Variants in FGF14 observed in about 807,000 individuals in gnomAD.
FGF14 encodes fibroblast growth factor 14.
A neutral mutation model predicts 25.5 loss-of-function variants in FGF14; 5 were observed. The ratio of observed to expected loss-of-function variants is 0.20; its 90% confidence interval spans 0.10 to 0.41. The LOEUF (loss-of-function observed/expected upper bound fraction) is 0.41, where lower values mean the gene tolerates loss of function less well. Among genes scored for constraint, FGF14 ranks in the 10% least tolerant of loss-of-function variants. The probability of loss-of-function intolerance (pLI) is 1.00; values close to 1 mark genes in which losing one functional copy is unlikely to be tolerated. For synonymous variants in FGF14, 138 were observed against 118.3 expected (o/e 1.17, Z -1.08); for missense variants, 222 against 320.1 (o/e 0.69, Z 2.34).
intron 3 of FGF14, among the ~76,000 whole-genome samples, chr13:101,847,265 T>C (rs919061933): frequency 6.6e-6 from 1 of 152,072 alleles, no homozygotes; most frequent in African/African-American, 2.4e-5. Context: ...CTGGGGTCAC[T>C]GTCAGTGATC....
intron 3 of FGF14, among the ~76,000 whole-genome samples, chr13:101,790,763 T>C (rs1205829929): frequency 2.6e-5 from 4 of 152,184 alleles, no homozygotes; most frequent in Non-Finnish European, 5.9e-5. Context: ...GAGTATTTTA[T>C]GTAAGGATCC....
At chr13:101,755,098 A>G (rs1040157334) in intron 3 of FGF14, among the ~76,000 whole-genome samples, 6 of 152,246 alleles carry the variant, frequency 3.9e-5, no homozygotes, top group African/African-American at 1.4e-4. Context: ...TGATATAGTA[A>G]TCATAACAAT....
At chr13:102,395,310 A>G (rs879888625) in intron 1 of FGF14, 7 of 152,216 alleles carry the variant, frequency 4.6e-5, no homozygotes, top group Non-Finnish European at 5.9e-5. Context: ...TCTGGCAACT[A>G]TGAACCTAAT....
rs1449210141 is a variant in FGF14, at chr13:101,713,820, T to C, written c.*9011A>G. 1 of 152,128 alleles carries C rather than the reference T, an allele frequency of 6.6e-6. No homozygotes were observed. The highest frequency in any genetic ancestry group is 2.4e-5 in the African/African-American group (1 of 41,440). The allele number at this position is 152,128 out of a possible 1,614,324, so 9.4% of individuals were successfully genotyped here. A position where few individuals can be genotyped will look rare whatever the true frequency, so the allele number is the denominator to read the frequency against. ...GTTGAATCCAGAGCCTCATAAAATA[T>C]GAACTTTGGGAGTAATTTGAGCTAT... is the stretch of plus-strand genomic sequence containing the variant. On this transcript the variant is annotated 3_prime_UTR_variant, in exon 5 of 5. Transcript: ENST00000376143.
intron 1 of FGF14, among the ~76,000 whole-genome samples, chr13:101,910,244 AAAAT>A (rs563774018): frequency 9.9e-5 from 15 of 152,112 alleles, no homozygotes; most frequent in East Asian, 3.9e-4. Context: ...AAAGTATAAA[AAAAT>A]AAATAAAATA....
intron 1 of FGF14, among the ~76,000 whole-genome samples, chr13:102,364,360 G>A (rs1319305820): frequency 6.6e-6 from 1 of 152,146 alleles, no homozygotes; most frequent in Non-Finnish European, 1.5e-5. Context: ...TGTATAACAG[G>A]CCACAACTTC....
intron 1 of FGF14, among the ~76,000 whole-genome samples, chr13:102,194,226 A>C (rs2049247396): frequency 6.6e-6 from 1 of 152,130 alleles, no homozygotes; most frequent in Admixed American, 6.6e-5. Flanking sequence ...ATTAAAATAC[A>C]TATTAAATAC....
intron 1 of FGF14, among the ~76,000 whole-genome samples, chr13:102,237,234 G>A (rs548211600): frequency 1.3e-5 from 2 of 152,280 alleles, no homozygotes; most frequent in East Asian, 3.9e-4. Context: ...AAAAACCCTA[G>A]AGACTCACAT....
intron 1 of FGF14, among the ~76,000 whole-genome samples, chr13:102,391,107 A>T (rs1024360754): frequency 4.6e-5 from 7 of 152,226 alleles, no homozygotes; most frequent in Admixed American, 1.3e-4. Context: ...CCAATTGAAT[A>T]CTAATCCTGA....
intron 1 of FGF14, among the ~76,000 whole-genome samples, chr13:102,397,249 A>G (rs1286514294): frequency 6.6e-6 from 1 of 152,220 alleles, no homozygotes; most frequent in Non-Finnish European, 1.5e-5. Context: ...GTATATTTAA[A>G]TGAGTAACAG....
At chr13:102,204,006 G>T (rs558209884) in intron 1 of FGF14, among the ~76,000 whole-genome samples, 3 of 152,260 alleles carry the variant, frequency 2.0e-5, no homozygotes, top group East Asian at 1.9e-4. Flanking sequence ...AGATGGCCAA[G>T]GTCTCCAGTC....
chr13:101,715,470 G>T lies in FGF14; in HGVS notation c.*7361C>A, dbSNP rs976596080. On this transcript the variant is annotated 3_prime_UTR_variant, in exon 5 of 5. Coordinates refer to ENST00000376143, the MANE Select transcript of FGF14 (RefSeq NM_004115.4). Reference sequence around the variant, plus strand: ...AAAATCTACCAAGGATGAATGAAATGATTTCATTGTGGACACTTGTGATTT... The same window carrying T: ...AAAATCTACCAAGGATGAATGAAATTATTTCATTGTGGACACTTGTGATTT... 3 of 867,214 alleles carry T rather than the reference G, an allele frequency of 3.5e-6. No homozygotes were observed. Among genetic ancestry groups the T allele is most frequent in the South Asian group, 1.4e-5 (1 of 71,562 alleles). 53.7% of individuals were successfully genotyped at this position (867,214 alleles called of 1,614,324 possible). A position where few individuals can be genotyped will look rare whatever the true frequency, so the allele number is the denominator to read the frequency against.
At chr13:101,971,743 A>C (rs1416148231) in intron 1 of FGF14, among the ~76,000 whole-genome samples, 2 of 152,222 alleles carry the variant, frequency 1.3e-5, no homozygotes, top group Non-Finnish European at 2.9e-5. Context: ...CAGAGAAATA[A>C]ACCACTTGGG....
intron 3 of FGF14, among the ~76,000 whole-genome samples, chr13:101,862,003 T>C (rs912437133): frequency 1.3e-5 from 2 of 152,090 alleles, no homozygotes; most frequent in Non-Finnish European, 2.9e-5. Context: ...GCCATCACTC[T>C]AGAAGAGGAC....
chr13:102,103,526 C>A (rs1395595546), intron 1 of FGF14, among the ~76,000 whole-genome samples: 2 of 151,800 alleles, frequency 1.3e-5, no homozygotes, highest in Non-Finnish European at 2.9e-5. Context: ...TATTCCTATT[C>A]TTTTCCAGAT....
At chr13:101,971,537 A>AT (rs1252181978) in intron 1 of FGF14, among the ~76,000 whole-genome samples, 1 of 152,056 alleles carries the variant, frequency 6.6e-6, no homozygotes, top group Non-Finnish European at 1.5e-5. Context: ...TGCCTGGCTA[A>AT]TTTTTTGTAC....
At chr13:101,997,214 C>G (rs140477104) in intron 1 of FGF14, among the ~76,000 whole-genome samples, 730 of 151,138 alleles carry the variant, frequency 4.8e-3, no homozygotes, top group East Asian at 0.027. Flanking sequence ...ACAGCAGGGC[C>G]TTTGTTTTGC....
intron 1 of FGF14, among the ~76,000 whole-genome samples, chr13:102,296,799 A>C (rs772167682): frequency 4.6e-5 from 7 of 152,168 alleles, no homozygotes; most frequent in Non-Finnish European, 8.8e-5. Context: ...TGCTAAGACA[A>C]AATTAAGTGC....
intron 1 of FGF14, among the ~76,000 whole-genome samples, chr13:101,885,950 A>T (rs1377831840): frequency 1.3e-5 from 2 of 152,166 alleles, no homozygotes; most frequent in African/African-American, 4.8e-5. Context: ...GGGGATAGAA[A>T]ACCTAATATT....
Sources: gnomAD v4.1 joint callset for allele counts (sites outside exome capture counted in the v4.1 genomes callset) on GRCh38, gnomAD v4.1.1 for gene constraint, MANE v1.5 for transcripts, NCBI Gene and HGNC (gene_info 2026-07-23, HGNC 2026-07-21) for gene names.